TEFM: variants seen among roughly 807,000 people sequenced by gnomAD.
The protein encoded by TEFM is transcription elongation factor, mitochondrial, also known as transcription elongation factor of mitochondria.
In TEFM, 14 loss-of-function variants were observed where a neutral mutation model predicts 23.0. The observed-to-expected ratio is 0.61, with a 90% confidence interval of 0.40 to 0.95. The LOEUF is 0.95. Among genes scored for constraint, TEFM ranks in the 40% least tolerant of loss-of-function variants. The pLI is 0.00. For synonymous variants in TEFM, 155 were observed against 158.3 expected, an observed-to-expected ratio of 0.98 and a Z score of 0.16; for missense variants, 386 against 425.5, an observed-to-expected ratio of 0.91 and a Z score of 0.82.
intron 1 of TEFM, 51 bp from the exon 2 acceptor site, chr17:30,904,580 G>A: frequency 2.1e-6 from 3 of 1,407,132 alleles, no homozygotes; most frequent in Non-Finnish European, 2.9e-6. Context: ...CTTCCTTTGG[G>A]GTTAGTTGCA....
chr17:30,904,920 C>T (rs1292372489), intron 1 of TEFM, among the ~76,000 whole-genome samples: 1 of 151,934 alleles, frequency 6.6e-6, no homozygotes, highest in Non-Finnish European at 1.5e-5. Context: ...CCTCGTGATC[C>T]GCCCACCTCA....
intron 2 of TEFM, among the ~76,000 whole-genome samples, chr17:30,901,605 C>T (rs916795716): frequency 6.6e-6 from 1 of 152,156 alleles, no homozygotes; most frequent in Non-Finnish European, 1.5e-5. Flanking sequence ...ACATCTCACA[C>T]TCTGGCAGTA....
In TEFM at chr17:30,904,297, G is replaced by T. The variant is rs747611946; in HGVS notation, c.264C>A (p.Phe88Leu). The T allele has an allele frequency of 6.8e-6, 11 of 1,614,088 alleles. No homozygotes were observed. The highest frequency in any genetic ancestry group is 2.2e-5 in the East Asian group (1 of 44,900). Reference sequence around the variant, plus strand: ...TGGACCTTCTTCCACGAAGCAATCGGAAAGCTTCAAGTTCTTTAGTAGATG... The same window carrying T: ...TGGACCTTCTTCCACGAAGCAATCGTAAAGCTTCAAGTTCTTTAGTAGATG... ...NTASTKELEA[F>L]RLLRGRRSIN... Residue 88 changes from phenylalanine to leucine, a missense_variant, in exon 2 of 4, where the codon TTC becomes TTA. By Grantham distance (22) the Phe-to-Leu change is conservative (BLOSUM62 0). Coordinates refer to ENST00000581216, the MANE Select transcript of TEFM (RefSeq NM_024683.4).
At chr17:30,902,847 T>C (rs1205404855) in intron 2 of TEFM, among the ~76,000 whole-genome samples, 1 of 152,118 alleles carries the variant, frequency 6.6e-6, no homozygotes, top group Non-Finnish European at 1.5e-5. Context: ...TAAAGTTTAA[T>C]ACTTGAGTGC....
At chr17:30,905,474 C>G (rs1216897303) in intron 1 of TEFM, among the ~76,000 whole-genome samples, 1 of 149,652 alleles carries the variant, frequency 6.7e-6, no homozygotes, top group Non-Finnish European at 1.5e-5. Flanking sequence ...GAGCCGAGAT[C>G]GCACCATTGC....
At chr17:30,900,782 T>TTA (rs1555562969) in intron 2 of TEFM, among the ~76,000 whole-genome samples, 2 of 134,070 alleles carry the variant, frequency 1.5e-5, no homozygotes, top group South Asian at 4.2e-4. Flanking sequence ...TTTTATTTTT[T>TTA]TTTTTAGTAG....
intron 3 of TEFM, 25 bp downstream of exon 3, chr17:30,900,388 G>C: frequency 6.2e-7 from 1 of 1,611,156 alleles, no homozygotes; most frequent in Non-Finnish European, 8.5e-7. Flanking sequence ...TAGCAGGTAG[G>C]AATCTGGAGG....
intron 2 of TEFM, among the ~76,000 whole-genome samples, chr17:30,901,345 A>G (rs1486372899): frequency 4.6e-5 from 7 of 152,192 alleles, no homozygotes; most frequent in African/African-American, 1.7e-4. Flanking sequence ...AACCAGCAGC[A>G]GTCAGTTTAT....
chr17:30,899,079 A>G lies in TEFM; in HGVS notation c.*90T>C, dbSNP rs750796366. 9.7e-4 allele frequency: 1,196 copies of G among 1,232,836 alleles called. 4 individuals are homozygous for G. Among genetic ancestry groups the G allele is most frequent in the Non-Finnish European group, 1.2e-3 (1,081 of 897,086 alleles). 76.4% of individuals were successfully genotyped at this position (1,232,836 alleles called of 1,614,324 possible). ...TTTAAACATCTAAAATACACTGAAA[A>G]TGTGTTCTTTTCCAATAACATGGAT... On this transcript the variant is annotated 3_prime_UTR_variant, in exon 4 of 4. Coordinates refer to ENST00000581216, the MANE Select transcript of TEFM (RefSeq NM_024683.4).
At chr17:30,903,507 G>A (rs1485015937) in intron 2 of TEFM, among the ~76,000 whole-genome samples, 5 of 146,398 alleles carry the variant, frequency 3.4e-5, no homozygotes, top group African/African-American at 1.3e-4. Context: ...TTACAGGTGT[G>A]AGCCAGCCGC....
At chr17:30,900,286 A>G (rs1231291753) in intron 3 of TEFM, 127 bp downstream of exon 3, 1 of 917,872 alleles carries the variant, frequency 1.1e-6, no homozygotes, top group Non-Finnish European at 1.6e-6. Flanking sequence ...CATAATAGGA[A>G]TAAGTGAGTA....
At chr17:30,903,921 A>G in intron 2 of TEFM, 145 bp downstream of exon 2, 1 of 652,444 alleles carries the variant, frequency 1.5e-6, no homozygotes, top group South Asian at 2.2e-5. Flanking sequence ...CTATCTGTAC[A>G]TCTCATTATT....
Position 30,906,200 on chromosome 17 carries a change from T to C in TEFM, c.-2A>G, listed in dbSNP as rs1037694646. 1 of 1,614,216 alleles carries C rather than the reference T, an allele frequency of 6.2e-7. No individual in the cohort carries two copies. On this transcript the variant is annotated 5_prime_UTR_variant, in exon 1 of 4. Coordinates refer to ENST00000581216, the MANE Select transcript of TEFM (RefSeq NM_024683.4). ...CGTGAAGAGGACAGACCCGCTCATC[T>C]CCAAGTTGAATCAGTAGGTCCAGTC... is the stretch of plus-strand genomic sequence containing the variant.
intron 2 of TEFM, among the ~76,000 whole-genome samples, chr17:30,901,737 A>G (rs1039735822): frequency 6.6e-6 from 1 of 152,246 alleles, no homozygotes; most frequent in East Asian, 1.9e-4. Context: ...GAATAACATA[A>G]GATTTACATT....
At chr17:30,901,212 G>A (rs1015888327) in intron 2 of TEFM, among the ~76,000 whole-genome samples, 1 of 151,934 alleles carries the variant, frequency 6.6e-6, no homozygotes, top group East Asian at 1.9e-4. Flanking sequence ...GTAGAGACAG[G>A]GTTTCACCAT....
intron 2 of TEFM, among the ~76,000 whole-genome samples, chr17:30,901,528 G>A (rs1013804477): frequency 1.3e-5 from 2 of 152,178 alleles, no homozygotes; most frequent in Non-Finnish European, 2.9e-5. Context: ...TTTACTGGAG[G>A]ACTAGGAGAA....
At chr17:30,901,571 A>T (rs867571109) in intron 2 of TEFM, among the ~76,000 whole-genome samples, 13 of 152,334 alleles carry the variant, frequency 8.5e-5, no homozygotes, top group Middle Eastern at 6.8e-3. Context: ...TTTCACCCAG[A>T]TGTCTGGAAA....
rs937832220 is a variant in TEFM at position 30,899,074 on chromosome 17, T to C, written c.*95A>G. On this transcript the variant is annotated 3_prime_UTR_variant, in exon 4 of 4. Transcript: ENST00000581216. ...CAGAATTTAAACATCTAAAATACAC[T>C]GAAAATGTGTTCTTTTCCAATAACA... is the stretch of plus-strand genomic sequence containing the variant. The C allele has an allele frequency of 2.4e-5, 29 of 1,219,364 alleles. 1 individual carries two copies. In the East Asian group the frequency reaches 3.5e-4, roughly 15 times the overall value. The allele number at this position is 1,219,364 out of a possible 1,614,324, so 75.5% of individuals were successfully genotyped here.
chr17:30,904,336 A>G lies in TEFM; in HGVS notation c.225T>C (p.His75=), dbSNP rs898017580. ...FSSEQQASIL[H]VLNTASTKEL... is the part of the protein sequence containing the mutation. The stretch of plus-strand genomic sequence containing the variant: ...CTTTAGTAGATGCTGTATTCAACAC[A>G]TGCAAGATGGAAGCCTGCTGTTCTG... Residue 75 remains histidine (H), a synonymous_variant, in exon 2 of 4, where the codon CAT becomes CAC. Coordinates refer to ENST00000581216, the MANE Select transcript of TEFM (RefSeq NM_024683.4). The G allele has an allele frequency of 2.5e-6, 4 of 1,614,100 alleles. No individual in the cohort carries two copies. The African/African-American group carries it at 5.3e-5, about 22-fold the overall frequency.
Sources: gnomAD v4.1 joint callset for allele counts (sites outside exome capture counted in the v4.1 genomes callset) on GRCh38, gnomAD v4.1.1 for gene constraint, MANE v1.5 for transcripts, NCBI Gene and HGNC (gene_info 2026-07-23, HGNC 2026-07-21) for gene names.